GPC6: variants seen among roughly 807,000 people sequenced by gnomAD.
GPC6 encodes glypican 6.
In GPC6, 14 loss-of-function variants were observed where a neutral mutation model predicts 55.2. That is an observed-to-expected ratio of 0.25 (90% CI 0.17 to 0.40). GPC6 has a LOEUF of 0.40. Ranked by LOEUF, GPC6 falls within the 10% of genes least tolerant of loss-of-function variation. The pLI, the probability that GPC6 is intolerant of heterozygous loss-of-function variation, is 1.00. For synonymous variants in GPC6, 278 were observed against 259.6 expected (o/e 1.07, Z -0.68); for missense variants, 641 against 708.5 (o/e 0.90, Z 1.08).
In GPC6 at chr13:93,895,218, A is replaced by ATGTGTGTGTGTGTGTGTGTGTGTGTG. The variant is rs1299548089; in HGVS notation, c.711+64676_711+64677insGTGTGTGTGTGTGTGTGTGTGTGTGT. Among the ~76,000 whole-genome samples the ATGTGTGTGTGTGTGTGTGTGTGTGTG allele has an allele frequency of 8.3e-5, 5 of 60,434 alleles. No individual in the cohort carries two copies. In the Admixed American group the frequency reaches 8.4e-4, roughly 10 times the overall value. The allele number at this position is 60,434 out of a possible 152,430, so 39.6% of individuals were successfully genotyped here. ...TCCATATATATGTGTGTGTGTGTGTATGTATGTGTGTGTGTGTATATATAT... is the reference window on the plus strand; with the variant it reads ...TCCATATATATGTGTGTGTGTGTGTATGTGTGTGTGTGTGTGTGTGTGTGTGTGTATGTGTGTGTGTGTATATATAT... On this transcript the variant is annotated intron_variant, in intron 3 of 8. Transcript: ENST00000377047.
intron 3 of GPC6, among the ~76,000 whole-genome samples, chr13:93,885,820 T>A (rs1283041759): frequency 6.6e-6 from 1 of 152,194 alleles, no homozygotes; most frequent in Admixed American, 6.6e-5. Context: ...CAGATACAGA[T>A]CTTTTAACAG....
At chr13:93,486,252 G>C (rs67867503) in intron 1 of GPC6, among the ~76,000 whole-genome samples, 28,818 of 152,078 alleles carry the variant, frequency 0.19, 2,916 homozygotes, top group Middle Eastern at 0.26. Flanking sequence ...TGGGAGGTGA[G>C]CAAATGTCAC....
intron 3 of GPC6, among the ~76,000 whole-genome samples, chr13:93,993,005 G>GA (rs112397433): frequency 0.45 from 68,151 of 151,868 alleles, 16,786 homozygotes; most frequent in South Asian, 0.63. Context: ...ATTTCTTTTT[G>GA]ACGGAAACTA....
intron 2 of GPC6, among the ~76,000 whole-genome samples, chr13:93,757,572 G>C (rs1046816574): frequency 6.6e-6 from 1 of 152,102 alleles, no homozygotes; most frequent in East Asian, 1.9e-4. Flanking sequence ...AGTGAACATT[G>C]CTTGGTTATT....
At position 93,990,509 on chromosome 13, in the gene GPC6, T is replaced by A. The variant is rs543893550; in HGVS notation, c.712-37220T>A. On this transcript the variant is annotated intron_variant, in intron 3 of 8. Coordinates refer to ENST00000377047, the MANE Select transcript of GPC6 (RefSeq NM_005708.5). ...GTGTAATGTCACAGGAGGTACTATTTGCATATCGTTCAAAAGTGGAGATGT... is the reference window on the plus strand; with the variant it reads ...GTGTAATGTCACAGGAGGTACTATTAGCATATCGTTCAAAAGTGGAGATGT... 2.0e-5 allele frequency among the ~76,000 whole-genome samples: 3 copies of A among 152,164 alleles called. No individual in the cohort carries two copies. In the East Asian group the frequency reaches 5.8e-4, roughly 29 times the overall value.
intron 4 of GPC6, among the ~76,000 whole-genome samples, chr13:94,245,963 CA>C (rs1382236229): frequency 6.6e-6 from 1 of 152,040 alleles, no homozygotes; most frequent in Non-Finnish European, 1.5e-5. Flanking sequence ...ATGGCTGCAC[CA>C]ATCTACTTTC....
chr13:94,086,457 A>C (rs1885285954), intron 4 of GPC6, among the ~76,000 whole-genome samples: 1 of 125,726 alleles, frequency 8.0e-6, no homozygotes, highest in Non-Finnish European at 1.7e-5. Context: ...GATCACATTC[A>C]AATTAATTTT....
intron 1 of GPC6, among the ~76,000 whole-genome samples, chr13:93,334,461 T>C (rs1237531036): frequency 2.0e-5 from 3 of 152,176 alleles, no homozygotes; most frequent in African/African-American, 7.2e-5. Flanking sequence ...ACATTGATTC[T>C]TCTTATTTAT....
At chr13:93,400,646 A>T (rs1479864253) in intron 1 of GPC6, among the ~76,000 whole-genome samples, 1 of 152,182 alleles carries the variant, frequency 6.6e-6, no homozygotes, top group East Asian at 1.9e-4. Flanking sequence ...GAGGGGATGG[A>T]TACCTAATTT....
At chr13:93,506,930 G>A (rs1053777918) in intron 1 of GPC6, among the ~76,000 whole-genome samples, 8 of 150,652 alleles carry the variant, frequency 5.3e-5, no homozygotes, top group African/African-American at 1.9e-4. Flanking sequence ...GCGTGGCGGC[G>A]GGCGCCTGTA....
chr13:94,264,047 T>C (rs1003061865), intron 4 of GPC6, among the ~76,000 whole-genome samples: 1 of 152,178 alleles, frequency 6.6e-6, no homozygotes, highest in African/African-American at 2.4e-5. Context: ...TCAATAGGCA[T>C]TGAGGTCTGG....
chr13:93,944,336 T>G (rs930225065), intron 3 of GPC6, among the ~76,000 whole-genome samples: 6 of 152,042 alleles, frequency 3.9e-5, no homozygotes, highest in Admixed American at 2.0e-4. Context: ...CCCGAGTAGT[T>G]GGGACTACAG....
chr13:94,172,017 T>C (rs1461415984), intron 4 of GPC6, among the ~76,000 whole-genome samples: 4 of 152,086 alleles, frequency 2.6e-5, no homozygotes, highest in African/African-American at 4.8e-5. Flanking sequence ...AGGCCAGGTA[T>C]TTGGATGAAT....
chr13:94,181,465 G>C (rs1888993147), intron 4 of GPC6, among the ~76,000 whole-genome samples: 1 of 152,152 alleles, frequency 6.6e-6, no homozygotes, highest in African/African-American at 2.4e-5. Context: ...AATTTGTGGA[G>C]ATTTTATTTA....
chr13:94,072,031 T>C (rs758369958), intron 4 of GPC6, among the ~76,000 whole-genome samples: 1 of 152,216 alleles, frequency 6.6e-6, no homozygotes, highest in Non-Finnish European at 1.5e-5. Flanking sequence ...TATTTCCCCT[T>C]CTAAACAAGT....
At chr13:93,725,939 T>C (rs1478762940) in intron 2 of GPC6, among the ~76,000 whole-genome samples, 1 of 151,998 alleles carries the variant, frequency 6.6e-6, no homozygotes, top group East Asian at 1.9e-4. Flanking sequence ...AGACAGACTT[T>C]AACAATGGGT....
chr13:94,224,413 C>G (rs189771905), intron 4 of GPC6, among the ~76,000 whole-genome samples: 73 of 152,038 alleles, frequency 4.8e-4, no homozygotes, highest in African/African-American at 1.7e-3. Flanking sequence ...TGATACCAGT[C>G]ATTTAGTCCA....
At chr13:93,781,275 CG>C (rs1433885543) in intron 2 of GPC6, among the ~76,000 whole-genome samples, 1 of 99,896 alleles carries the variant, frequency 1.0e-5, no homozygotes, top group Admixed American at 1.1e-4. Context: ...ACTCCATCTC[CG>C]AAAAAAAAAA....
At chr13:94,030,249 T>C (rs1883073874) in intron 4 of GPC6, among the ~76,000 whole-genome samples, 2 of 152,126 alleles carry the variant, frequency 1.3e-5, no homozygotes, top group Admixed American at 1.3e-4. Flanking sequence ...GACCTCGTGA[T>C]CTGCCCGCCT....
Sources: allele counts gnomAD v4.1 joint callset (sites outside exome capture counted in the v4.1 genomes callset), GRCh38; gene constraint gnomAD v4.1.1; transcripts MANE v1.5; gene names NCBI Gene and HGNC (gene_info 2026-07-23, HGNC 2026-07-21).